Variants in SHTN1 observed in about 807,000 individuals in gnomAD.
The protein encoded by SHTN1 is shootin-1.
A neutral mutation model predicts 83.1 loss-of-function variants in SHTN1; 42 were observed. The ratio of observed to expected loss-of-function variants is 0.51; its 90% CI spans 0.39 to 0.65. SHTN1 has a LOEUF of 0.65. Ranked by LOEUF, SHTN1 falls within the 30% of genes least tolerant of loss-of-function variation. SHTN1 has a pLI of 0.00. For synonymous variants in SHTN1, 224 were observed against 247.7 expected, an observed-to-expected ratio of 0.90 and a Z score of 0.90; for missense variants, 622 against 737.8, an observed-to-expected ratio of 0.84 and a Z score of 1.82.
intron 2 of SHTN1, among the ~76,000 whole-genome samples, chr10:117,024,415 C>A (rs1187580840): frequency 7.5e-6 from 1 of 133,346 alleles, no homozygotes; most frequent in Non-Finnish European, 1.5e-5. Context: ...AGTGCAGTGG[C>A]GCAGTCTCGG....
At position 117,108,959 on chromosome 10, in the gene SHTN1, G is replaced by A. The variant is rs141888195; in HGVS notation, c.-189+17348C>T. ...GTAAAGTGGTGAGAAACCTGGGAAC[G>A]TGATGGAAAGGCAAAACTCTCAGAT... is the stretch of plus-strand genomic sequence containing the variant. On this transcript the variant is annotated intron_variant, in intron 1 of 17. Transcript: ENST00000392901. 2.1e-3 allele frequency among the ~76,000 whole-genome samples: 315 copies of A among 152,242 alleles called. 1 individual carries two copies. The highest frequency in any genetic ancestry group is 3.9e-3 in the Non-Finnish European group (267 of 68,016).
At chr10:117,081,833 G>T (rs1266905375) in intron 1 of SHTN1, among the ~76,000 whole-genome samples, 4 of 151,580 alleles carry the variant, frequency 2.6e-5, no homozygotes, top group Non-Finnish European at 5.9e-5. Context: ...AGAGGTGTTT[G>T]TAGTATTCTC....
chr10:117,000,763 G>A (rs1191047120), intron 1 of SHTN1, among the ~76,000 whole-genome samples: 3 of 152,070 alleles, frequency 2.0e-5, no homozygotes, highest in African/African-American at 7.2e-5. Flanking sequence ...AAAGTATCCT[G>A]CCCTCCCGTG....
Position 116,881,647 on chromosome 10 carries a change from A to C in SHTN1, c.*4697T>G. 1.3e-6 allele frequency: 2 copies of C among 1,547,130 alleles called. No individual in the cohort carries two copies. The highest frequency in any genetic ancestry group is 1.7e-6 in the Non-Finnish European group (2 of 1,145,452). Reference sequence around the variant, plus strand: ...ACACAAGGTGTAGAGGAATCAGCCGAAACAGGAGCATCCTCTGGATAGGGC... The same window carrying C: ...ACACAAGGTGTAGAGGAATCAGCCGCAACAGGAGCATCCTCTGGATAGGGC... On this transcript the variant is annotated 3_prime_UTR_variant, in exon 17 of 17. Transcript: ENST00000355371.
chr10:116,930,937 G>A (rs189145258), intron 9 of SHTN1, among the ~76,000 whole-genome samples: 1 of 152,044 alleles, frequency 6.6e-6, no homozygotes, highest in Admixed American at 6.5e-5. Context: ...GACATGAGAT[G>A]GTATCTCATT....
intron 3 of SHTN1, among the ~76,000 whole-genome samples, chr10:116,962,578 A>G (rs1850221115): frequency 6.6e-6 from 1 of 152,218 alleles, no homozygotes; most frequent in Non-Finnish European, 1.5e-5. Flanking sequence ...CTCTTGAAAG[A>G]GTAAGAAAAT....
At chr10:116,889,125 T>C (rs1847254885) in intron 16 of SHTN1, among the ~76,000 whole-genome samples, 1 of 152,228 alleles carries the variant, frequency 6.6e-6, no homozygotes, top group African/African-American at 2.4e-5. Context: ...ACCATGGATG[T>C]TTCCATGCTC....
intron 16 of SHTN1, chr10:116,901,279 A>G (rs1847724559): frequency 1.0e-6 from 1 of 985,362 alleles, no homozygotes; most frequent in Non-Finnish European, 1.2e-6. Context: ...GTCTATACAG[A>G]TAACTCTTTA....
At chr10:116,935,535 AG>A (rs1436625418) in intron 9 of SHTN1, among the ~76,000 whole-genome samples, 1 of 152,166 alleles carries the variant, frequency 6.6e-6, no homozygotes, top group African/African-American at 2.4e-5. Context: ...GTGGTAGATA[AG>A]CTTTTGGATG....
At chr10:117,101,019 T>G (rs1340163972) in intron 1 of SHTN1, among the ~76,000 whole-genome samples, 2 of 152,212 alleles carry the variant, frequency 1.3e-5, no homozygotes, top group Non-Finnish European at 2.9e-5. Context: ...GGCTAAGACC[T>G]AAGAAGGTTG....
chr10:116,916,876 T>C (rs1410992210), intron 12 of SHTN1, among the ~76,000 whole-genome samples: 1 of 152,242 alleles, frequency 6.6e-6, no homozygotes, highest in Non-Finnish European at 1.5e-5. Flanking sequence ...CAGAAGCCAT[T>C]GAAATGCTGA....
intron 2 of SHTN1, among the ~76,000 whole-genome samples, chr10:117,017,350 G>A (rs1852193783): frequency 6.6e-6 from 1 of 151,958 alleles, no homozygotes; most frequent in Admixed American, 6.6e-5. Flanking sequence ...AATTAGCCGG[G>A]TGCAGTGGCG....
At chr10:117,011,582 A>T (rs148866678) in intron 2 of SHTN1, among the ~76,000 whole-genome samples, 23 of 152,350 alleles carry the variant, frequency 1.5e-4, no homozygotes, top group African/African-American at 5.5e-4. Context: ...ACAGGATACA[A>T]GGTCAATAAG....
intron 1 of SHTN1, among the ~76,000 whole-genome samples, chr10:117,122,322 G>A (rs1055777480): frequency 4.6e-5 from 7 of 152,062 alleles, no homozygotes; most frequent in African/African-American, 1.7e-4. Flanking sequence ...TGGAACCACG[G>A]GCACATGCCA....
At position 116,937,974 on chromosome 10, in the gene SHTN1, C is replaced by T. The variant is rs1024005325; in HGVS notation, c.858+2492G>A. On this transcript the variant is annotated intron_variant, in intron 9 of 16. Transcript: ENST00000355371. ...CGATTCGGCTATTGATACTTATGTA[C>T]GCTTTACCAAGTTCTCCTGCTGTGT... 5.3e-5 allele frequency among the ~76,000 whole-genome samples: 8 copies of T among 151,400 alleles called. No individual in the cohort carries two copies. The East Asian group carries it at 7.8e-4, about 15-fold the overall frequency.
In SHTN1 at chr10:117,005,086, G is replaced by T. The variant is rs778701683; in HGVS notation, c.-7C>A. 3 of 1,590,648 alleles carry T rather than the reference G, an allele frequency of 1.9e-6. No individual in the cohort carries two copies. Among genetic ancestry groups the T allele is most frequent in the African/African-American group, 2.7e-5 (2 of 74,842 alleles). ...CTTCGTCCGAGCTGTTCATTTTGGCGGGTGGGGCCGGGAATAAAAGGGAAA... is the reference window on the plus strand; with the variant it reads ...CTTCGTCCGAGCTGTTCATTTTGGCTGGTGGGGCCGGGAATAAAAGGGAAA... On this transcript the variant is annotated 5_prime_UTR_variant, in exon 1 of 17. Transcript: ENST00000355371.
intron 1 of SHTN1, among the ~76,000 whole-genome samples, chr10:117,004,594 C>CG (rs1187645012): frequency 2.0e-5 from 3 of 152,096 alleles, no homozygotes; most frequent in Non-Finnish European, 4.4e-5. Context: ...GTGAAACAGC[C>CG]CTACAGGCCA....
intron 1 of SHTN1, among the ~76,000 whole-genome samples, chr10:117,095,430 G>A (rs1784960974): frequency 6.6e-6 from 1 of 152,142 alleles, no homozygotes; most frequent in Admixed American, 6.5e-5. Flanking sequence ...AAAACCCAGG[G>A]GGGAAACCAC....
chr10:117,108,197 C>A lies in SHTN1; in HGVS notation c.-189+18110G>T, dbSNP rs190551360. Among the ~76,000 whole-genome samples, 4 of 152,230 alleles carry A rather than the reference C, an allele frequency of 2.6e-5. No individual in the cohort carries two copies. The East Asian group carries it at 7.7e-4, about 29-fold the overall frequency. ...TTAACTACCATTTAACCCAGCCATC[C>A]CATTACTGGGTATACACCCAAAGGA... On this transcript the variant is annotated intron_variant, in intron 1 of 17. Transcript: ENST00000392901.
Sources: gnomAD v4.1 joint callset for allele counts (sites outside exome capture counted in the v4.1 genomes callset) on GRCh38, gnomAD v4.1.1 for gene constraint, MANE v1.5 for transcripts, NCBI Gene and HGNC (gene_info 2026-07-23, HGNC 2026-07-21) for gene names.